MAPRE3: variants seen among roughly 807,000 people sequenced by gnomAD.
MAPRE3 encodes microtubule associated protein RP/EB family member 3.
Under a neutral mutation model 30.5 loss-of-function variants are expected in MAPRE3, and 2 were observed. That is an observed-to-expected ratio of 0.07 (90% CI 0.03 to 0.21). MAPRE3 has a LOEUF of 0.21. Among genes scored for constraint, MAPRE3 ranks in the 10% least tolerant of loss-of-function variants. MAPRE3 has a pLI of 1.00. For missense variants in MAPRE3, 204 were observed against 351.8 expected (o/e 0.58, Z 3.36); for synonymous variants, 110 against 127.7 (o/e 0.86, Z 0.93).
intron 1 of MAPRE3, among the ~76,000 whole-genome samples, chr2:26,999,488 C>CTTTTTTTTTTTTTTTTTTTTTT (rs531651199): frequency 1.1e-4 from 9 of 79,006 alleles, no homozygotes; most frequent in Non-Finnish European, 1.6e-4. Context: ...TTCCTTCTTT[C>CTTTTTTTTTTTTTTTTTTTTTT]TTTTTTTTTT....
chr2:26,979,868 C>T (rs150300410), intron 1 of MAPRE3, among the ~76,000 whole-genome samples: 152 of 152,276 alleles, frequency 1.0e-3, no homozygotes, highest in African/African-American at 3.5e-3. Context: ...TTTTTAGACA[C>T]AGAGAGCTAA....
rs34348240 is a variant in MAPRE3 at position 27,017,803 on chromosome 2, A to ATG, written c.-7-4393_-7-4392dup. On this transcript the variant is annotated intron_variant, in intron 1 of 6. Transcript: ENST00000233121. Reference sequence around the variant, plus strand: ...ATCATCTGGGCTATTCTTTAAAATTATGTGTGTGTGTGTGTGTAAAATATG... The same window carrying ATG: ...ATCATCTGGGCTATTCTTTAAAATTATGTGTGTGTGTGTGTGTGTAAAATATG... Among the ~76,000 whole-genome samples the ATG allele has an allele frequency of 2.6e-3, 388 of 151,610 alleles. 2 individuals are homozygous for ATG. The highest frequency in any genetic ancestry group is 6.3e-3 in the African/African-American group (262 of 41,276).
intron 1 of MAPRE3, chr2:27,003,159 C>T (rs569710162): frequency 3.9e-5 from 6 of 152,732 alleles, no homozygotes; most frequent in African/African-American, 9.6e-5. Context: ...CGGCCCTTCT[C>T]ATCCAGTGAG....
intron 1 of MAPRE3, among the ~76,000 whole-genome samples, chr2:26,983,533 G>A (rs1167014431): frequency 2.0e-5 from 3 of 152,184 alleles, no homozygotes; most frequent in East Asian, 1.9e-4. Flanking sequence ...AGGCCCTCTC[G>A]AAGGGTATTG....
intron 1 of MAPRE3, among the ~76,000 whole-genome samples, chr2:27,007,228 G>T (rs1203702965): frequency 6.6e-6 from 1 of 152,190 alleles, no homozygotes; most frequent in Non-Finnish European, 1.5e-5. Flanking sequence ...TGCTAATTAG[G>T]TGAGCCCAGA....
chr2:27,002,697 G>A (rs1036209604), intron 1 of MAPRE3, among the ~76,000 whole-genome samples: 1 of 152,226 alleles, frequency 6.6e-6, no homozygotes, highest in Non-Finnish European at 1.5e-5. Flanking sequence ...AGGCAGGCTG[G>A]TGGGGCCCTT....
intron 1 of MAPRE3, among the ~76,000 whole-genome samples, chr2:26,976,543 T>C (rs1666017791): frequency 6.6e-6 from 1 of 152,234 alleles, no homozygotes; most frequent in Non-Finnish European, 1.5e-5. Context: ...AGCATAAGCC[T>C]AGATCTTGCA....
chr2:26,990,609 G>GGT (rs970217655), intron 1 of MAPRE3, among the ~76,000 whole-genome samples: 19 of 152,052 alleles, frequency 1.2e-4, no homozygotes, highest in African/African-American at 4.3e-4. Context: ...TGTACAAATA[G>GGT]GTATATATAG....
intron 1 of MAPRE3, among the ~76,000 whole-genome samples, chr2:26,976,740 T>G (rs11688708): frequency 0.58 from 87,511 of 152,072 alleles, 25,644 homozygotes; most frequent in East Asian, 0.76. Context: ...TTCCTAGATA[T>G]AGGAGATACA....
At chr2:27,023,583 G>A (rs767804788) in intron 3 of MAPRE3, 106 bp downstream of exon 3, 41 of 1,409,346 alleles carry the variant, frequency 2.9e-5, no homozygotes, top group African/African-American at 2.7e-4. Flanking sequence ...TCCGGTGCTC[G>A]TGCCTCCCTC....
chr2:26,981,434 C>T lies in MAPRE3; in HGVS notation c.-8+10632C>T, dbSNP rs530970432. On this transcript the variant is annotated intron_variant, in intron 1 of 6. Coordinates refer to ENST00000233121, the MANE Select transcript of MAPRE3 (RefSeq NM_012326.4). ...GAGGAATTACAGGGGCCAGTGGGAA[C>T]GGAAAACAGGTTTAGAATATGAGGG... Among the ~76,000 whole-genome samples, 17 of 152,098 alleles carry T rather than the reference C, an allele frequency of 1.1e-4. No homozygotes were observed. In the South Asian group the frequency reaches 2.9e-3, roughly 26 times the overall value.
chr2:27,026,196 C>G (rs1266842412), intron 6 of MAPRE3, 84 bp from the exon 7 acceptor site: 3 of 1,432,790 alleles, frequency 2.1e-6, no homozygotes. Context: ...CTCCTGACCC[C>G]TTGCTCTTCA....
In MAPRE3 at chr2:27,026,322, C is replaced by A. The variant is rs1342815990; in HGVS notation, c.820C>A (p.Gln274Lys). The A allele has an allele frequency of 6.8e-6, 11 of 1,613,940 alleles. No homozygotes were observed. Among genetic ancestry groups the A allele is most frequent in the Non-Finnish European group, 9.3e-6 (11 of 1,179,968 alleles). The change falls in exon 7 of 7, where the codon CAA becomes AAA. Residue 274 changes from glutamine (Q) to lysine (K), a missense_variant. Gln to Lys is a moderately conservative substitution (Grantham distance 53, BLOSUM62 1). Transcript: ENST00000233121. The stretch of plus-strand genomic sequence containing the variant: ...TGAGGACGATGAGATTGAAGAGCAT[C>A]AACAAGAAGACCAGGACGAGTACTG... The part of the protein sequence containing the change: ...PPEDDEIEEH[Q>K]QEDQDEY
rs139399198 is a variant in MAPRE3, at chr2:26,976,637, GC to G, written c.-8+5836del. On this transcript the variant is annotated intron_variant, in intron 1 of 6. Coordinates refer to ENST00000233121, the MANE Select transcript of MAPRE3 (RefSeq NM_012326.4). ...TTTTAGCATAACGTCAGTGTTTTAG[GC>G]TCTGGATGCTTCATTTGCCTCAAGT... is the stretch of plus-strand genomic sequence containing the variant. Among the ~76,000 whole-genome samples, 373 of 152,274 alleles carry G rather than the reference GC, an allele frequency of 2.4e-3. 1 individual carries two copies. The highest frequency in any genetic ancestry group is 8.6e-3 in the African/African-American group (357 of 41,566).
At position 27,002,419 on chromosome 2, in the gene MAPRE3, C is replaced by CTTT. The variant is rs11372255; in HGVS notation, c.-7-19782_-7-19780dup. Among the ~76,000 whole-genome samples, 411 of 147,026 alleles carry CTTT rather than the reference C, an allele frequency of 2.8e-3. 4 individuals are homozygous for CTTT. The highest frequency in any genetic ancestry group is 9.4e-3 in the African/African-American group (377 of 40,068). On this transcript the variant is annotated intron_variant, in intron 1 of 6. Transcript: ENST00000233121. ...TATATAAAATCTAAAGGCTTTTAAT[C>CTTT]TTTTTTTTTTTTTAACCAAACTGCT...
intron 2 of MAPRE3, 132 bp from the exon 3 acceptor site, chr2:27,023,200 A>G (rs1474196306): frequency 5.6e-5 from 52 of 921,076 alleles, no homozygotes; most frequent in Non-Finnish European, 8.1e-5. Flanking sequence ...GGCCATGTCT[A>G]TCCTGAAAGT....
intron 1 of MAPRE3, among the ~76,000 whole-genome samples, chr2:27,003,513 T>C (rs1251250995): frequency 6.6e-6 from 1 of 152,218 alleles, no homozygotes; most frequent in Non-Finnish European, 1.5e-5. Context: ...GAATCAGCTG[T>C]CTACGAGCTT....
At chr2:27,008,807 G>C (rs1666785409) in intron 1 of MAPRE3, among the ~76,000 whole-genome samples, 1 of 152,208 alleles carries the variant, frequency 6.6e-6, no homozygotes, top group Non-Finnish European at 1.5e-5. Context: ...GACATCCTCA[G>C]TGGGTGAATG....
intron 1 of MAPRE3, among the ~76,000 whole-genome samples, chr2:26,972,879 T>C (rs1323906724): frequency 2.6e-4 from 40 of 152,228 alleles, no homozygotes; most frequent in Admixed American, 2.6e-3. Flanking sequence ...GAGATAATGA[T>C]GGAATGCCTT....
Sources: gnomAD v4.1 joint callset for allele counts (sites outside exome capture counted in the v4.1 genomes callset) on GRCh38, gnomAD v4.1.1 for gene constraint, MANE v1.5 for transcripts, NCBI Gene and HGNC (gene_info 2026-07-23, HGNC 2026-07-21) for gene names.